LCORL: variants seen among roughly 807,000 people sequenced by gnomAD.
LCORL encodes the protein ligand-dependent nuclear receptor corepressor-like protein.
Under a neutral mutation model 141.8 loss-of-function variants are expected in LCORL, and 41 were observed. The ratio of observed to expected loss-of-function variants is 0.29; its 90% CI spans 0.23 to 0.38. The LOEUF (loss-of-function observed/expected upper bound fraction) is 0.38, where lower values mean the gene tolerates loss of function less well. LCORL is among the 10% of genes least tolerant of loss of function. The pLI, the probability that LCORL is intolerant of heterozygous loss-of-function variation, is 1.00. For missense variants in LCORL, 1,759 were observed against 2,035.0 expected, an observed-to-expected ratio of 0.86 and a Z score of 2.61; for synonymous variants, 618 against 694.1, an observed-to-expected ratio of 0.89 and a Z score of 1.72.
chr4:17,858,282 A>C (rs917817075), intron 7 of LCORL, among the ~76,000 whole-genome samples: 4 of 152,154 alleles, frequency 2.6e-5, no homozygotes, highest in African/African-American at 9.7e-5. Context: ...GTGAACTTAA[A>C]AACACAGAAA....
At chr4:17,988,750 C>G (rs532252231) in intron 1 of LCORL, among the ~76,000 whole-genome samples, 40 of 152,240 alleles carry the variant, frequency 2.6e-4, no homozygotes, top group Admixed American at 2.4e-3. Flanking sequence ...ACTTTGGGAT[C>G]AAGGCAGGTG....
At chr4:17,970,570 C>A (rs1715731781) in intron 2 of LCORL, among the ~76,000 whole-genome samples, 1 of 152,186 alleles carries the variant, frequency 6.6e-6, no homozygotes, top group Admixed American at 6.5e-5. Context: ...AACCTGTAAC[C>A]TACATTGCCA....
In LCORL at chr4:17,897,236, T is replaced by C. The variant is rs1179725381; in HGVS notation, c.683-11075A>G. Among the ~76,000 whole-genome samples, 11 of 134,438 alleles carry C rather than the reference T, an allele frequency of 8.2e-5. 1 individual carries two copies. The highest frequency in any genetic ancestry group is 2.5e-4 in the East Asian group (1 of 4,050). 88.2% of individuals were successfully genotyped at this position (134,438 alleles called of 152,430 possible). A position where few individuals can be genotyped will look rare whatever the true frequency, so the allele number is the denominator to read the frequency against. On this transcript the variant is annotated intron_variant, in intron 5 of 7. Transcript: ENST00000635767. ...TTCTTTTTTTTTTTTTTTTTTTTTT[T>C]TTTTTTTTTTTTTTTAGGGTATATA...
At chr4:17,844,403 C>T (rs984998708) in exon 8 of LCORL, 4 of 152,312 alleles carry the variant, frequency 2.6e-5, no homozygotes, top group African/African-American at 9.7e-5. Context: ...TTAGGCTTAT[C>T]ATCTACTAGA....
At chr4:17,919,637 G>A (rs965284604) in intron 4 of LCORL, among the ~76,000 whole-genome samples, 1 of 152,142 alleles carries the variant, frequency 6.6e-6, no homozygotes, top group Non-Finnish European at 1.5e-5. Flanking sequence ...CCATATCTGT[G>A]GTATAATGCT....
intron 1 of LCORL, among the ~76,000 whole-genome samples, chr4:18,011,425 A>AT (rs147519422): frequency 2.0e-5 from 3 of 150,232 alleles, no homozygotes; most frequent in African/African-American, 4.9e-5. Flanking sequence ...CTTATTACCC[A>AT]TTTTAAAAAA....
intron 5 of LCORL, among the ~76,000 whole-genome samples, chr4:17,889,839 G>T (rs1280452102): frequency 6.6e-6 from 1 of 151,942 alleles, no homozygotes; most frequent in East Asian, 1.9e-4. Context: ...GATTTTGTGT[G>T]TACATCATTC....
chr4:17,919,987 G>C (rs1734037823), intron 4 of LCORL, among the ~76,000 whole-genome samples: 1 of 152,192 alleles, frequency 6.6e-6, no homozygotes, highest in South Asian at 2.1e-4. Context: ...CACCCAGGGA[G>C]GGCATGGAAG....
intron 5 of LCORL, among the ~76,000 whole-genome samples, chr4:17,887,271 G>A (rs1254937933): frequency 6.6e-6 from 1 of 152,002 alleles, no homozygotes; most frequent in Non-Finnish European, 1.5e-5. Context: ...TAGTCATAGT[G>A]CTTAGGATCT....
chr4:17,931,618 T>C (rs890358684), intron 4 of LCORL, among the ~76,000 whole-genome samples: 2 of 152,116 alleles, frequency 1.3e-5, no homozygotes, highest in Non-Finnish European at 2.9e-5. Context: ...AATAAGACTT[T>C]TAAAATGTTT....
intron 5 of LCORL, 110 bp from the exon 6 acceptor site, chr4:17,886,271 G>A (rs1728255481): frequency 8.8e-6 from 6 of 685,178 alleles, no homozygotes; most frequent in Admixed American, 2.2e-5. Flanking sequence ...TATTTGATAT[G>A]TGGCCATTAC....
chr4:18,021,787 A>G lies in LCORL; in HGVS notation c.-36T>C. On this transcript the variant is annotated 5_prime_UTR_variant, in exon 1 of 8. Transcript: ENST00000635767. The surrounding 1 kb of genome is among the most constrained non-coding windows in gnomAD (Gnocchi z 5.5). The stretch of plus-strand genomic sequence containing the variant: ...CGTCACGCGCCCTCATTTACATACG[A>G]GCAGCGCAGGCACGAGGCAGGGGCG... The G allele has an allele frequency of 1.4e-6, 2 of 1,464,908 alleles. No homozygotes were observed. The highest frequency in any genetic ancestry group is 1.4e-5 in the South Asian group (1 of 71,048). 90.7% of individuals were successfully genotyped at this position (1,464,908 alleles called of 1,614,324 possible). A position where few individuals can be genotyped will look rare whatever the true frequency, so the allele number is the denominator to read the frequency against.
At chr4:17,901,153 C>A in intron 5 of LCORL, among the ~76,000 whole-genome samples, 1 of 151,042 alleles carries the variant, frequency 6.6e-6, no homozygotes. Context: ...TATTCTGTGG[C>A]TTATATGAAG....
At chr4:17,941,995 C>T (rs1406122796) in intron 4 of LCORL, among the ~76,000 whole-genome samples, 2 of 152,080 alleles carry the variant, frequency 1.3e-5, no homozygotes, top group African/African-American at 2.4e-5. Flanking sequence ...TGTCTAGAGG[C>T]TATTGTGGAG....
intron 1 of LCORL, among the ~76,000 whole-genome samples, chr4:18,010,063 A>G (rs1402656209): frequency 1.3e-5 from 2 of 152,244 alleles, no homozygotes; most frequent in Non-Finnish European, 2.9e-5. Flanking sequence ...TAAACTGTGT[A>G]AGCACCTATA....
At chr4:17,974,628 T>G (rs1430267806) in intron 1 of LCORL, among the ~76,000 whole-genome samples, 3 of 152,146 alleles carry the variant, frequency 2.0e-5, no homozygotes, top group African/African-American at 7.2e-5. Flanking sequence ...TTGGTTTTGG[T>G]AACAGAGTAA....
At chr4:17,946,501 T>A (rs1397407515) in intron 4 of LCORL, among the ~76,000 whole-genome samples, 1 of 152,018 alleles carries the variant, frequency 6.6e-6, no homozygotes, top group Non-Finnish European at 1.5e-5. Flanking sequence ...TTTTGTTTTA[T>A]GTCACAGACT....
At chr4:17,843,701 T>C (rs1387908540) in exon 8 of LCORL, 1 of 232,530 alleles carries the variant, frequency 4.3e-6, no homozygotes, top group Non-Finnish European at 8.6e-6. Flanking sequence ...GTGATTCTTA[T>C]GAACTCTTTA....
chr4:17,954,900 G>A (rs1712280337), intron 4 of LCORL, among the ~76,000 whole-genome samples: 1 of 152,122 alleles, frequency 6.6e-6, no homozygotes, highest in South Asian at 2.1e-4. Context: ...GGTCATTGTG[G>A]GATGCCTATT....
Sources: gnomAD v4.1 joint callset for allele counts (sites outside exome capture counted in the v4.1 genomes callset) on GRCh38, gnomAD v4.1.1 for gene constraint, Gnocchi (gnomAD v3.1) non-coding constraint, MANE v1.5 for transcripts, NCBI Gene and HGNC (gene_info 2026-07-23, HGNC 2026-07-21) for gene names.